KIZ: variants seen among roughly 807,000 people sequenced by gnomAD.
KIZ encodes centrosomal protein kizuna.
A neutral mutation model predicts 79.6 loss-of-function variants in KIZ; 68 were observed. The observed-to-expected ratio is 0.85, with a 90% CI of 0.70 to 1.05. KIZ has a LOEUF of 1.05. KIZ is among the 50% of genes least tolerant of loss of function. The pLI is 0.00. For synonymous variants in KIZ, 280 were observed against 281.8 expected (o/e 0.99, Z 0.06); for missense variants, 797 against 800.4 (o/e 1.00, Z 0.05).
At chr20:21,221,410 C>A (rs1187291473) in intron 9 of KIZ, among the ~76,000 whole-genome samples, 1 of 152,140 alleles carries the variant, frequency 6.6e-6, no homozygotes, top group Non-Finnish European at 1.5e-5. Flanking sequence ...CTCTTTCAGT[C>A]ATGCACTCCA....
At chr20:21,218,976 C>G (rs2036404067) in intron 9 of KIZ, among the ~76,000 whole-genome samples, 1 of 152,130 alleles carries the variant, frequency 6.6e-6, no homozygotes, top group Non-Finnish European at 1.5e-5. Flanking sequence ...AGTGTGGGAT[C>G]CTTCTGTGCG....
At chr20:21,159,213 C>G (rs1394468117) in intron 4 of KIZ, among the ~76,000 whole-genome samples, 5 of 151,918 alleles carry the variant, frequency 3.3e-5, no homozygotes, top group Non-Finnish European at 5.9e-5. Context: ...GAGATGGAGT[C>G]TCACTATGTT....
intron 6 of KIZ, among the ~76,000 whole-genome samples, chr20:21,200,496 C>A (rs1397750483): frequency 2.6e-5 from 4 of 151,796 alleles, no homozygotes; most frequent in Non-Finnish European, 5.9e-5. Context: ...TGTTTTCCTG[C>A]AACTAGATGG....
intron 6 of KIZ, among the ~76,000 whole-genome samples, chr20:21,179,262 C>T (rs80282231): frequency 0.02 from 2,849 of 144,034 alleles, 86 homozygotes; most frequent in African/African-American, 0.068. Flanking sequence ...AGTCTCCTTA[C>T]TAGTTTTAGG....
chr20:21,144,806 A>G (rs1441329508), intron 3 of KIZ, among the ~76,000 whole-genome samples: 3 of 152,192 alleles, frequency 2.0e-5, no homozygotes. Context: ...ATACCTGCCT[A>G]ATTTAGAAAA....
At chr20:21,203,955 T>TC (rs2035698050) in intron 6 of KIZ, among the ~76,000 whole-genome samples, 1 of 151,982 alleles carries the variant, frequency 6.6e-6, no homozygotes, top group African/African-American at 2.4e-5. Context: ...CATTTTCCCT[T>TC]CCCCCCAGGC....
chr20:21,136,497 T>C lies in KIZ; in HGVS notation c.260T>C (p.Val87Ala). ...GAATATTTAAAGCGATTTGAGCGTG[T>C]CCAAGCTCATGTTGTACACTTCACC... ...NQEYLKRFER[V>A]QAHVVHFTTN... Residue 87 changes from valine (V) to alanine (A), a missense_variant, in exon 3 of 13, where the codon GTC (valine) becomes GCC (alanine). Coordinates refer to ENST00000619189, the MANE Select transcript of KIZ (RefSeq NM_018474.6). The C allele has an allele frequency of 6.2e-7, 1 of 1,602,704 alleles. No homozygotes were observed. Among genetic ancestry groups the C allele is most frequent in the Non-Finnish European group, 8.5e-7 (1 of 1,173,382 alleles).
At chr20:21,167,440 C>G (rs190418325) in intron 6 of KIZ, among the ~76,000 whole-genome samples, 7 of 152,248 alleles carry the variant, frequency 4.6e-5, no homozygotes, top group Admixed American at 2.6e-4. Flanking sequence ...AGTGCATTTT[C>G]ACACTCAGGT....
intron 3 of KIZ, among the ~76,000 whole-genome samples, chr20:21,137,510 C>G (rs1404900958): frequency 6.6e-6 from 1 of 150,786 alleles, no homozygotes; most frequent in African/African-American, 2.4e-5. Context: ...TTTTCTTCAG[C>G]CTTTTATTGT....
At chr20:21,182,905 C>G (rs892388315) in intron 6 of KIZ, among the ~76,000 whole-genome samples, 3 of 151,948 alleles carry the variant, frequency 2.0e-5, no homozygotes, top group African/African-American at 7.3e-5. Flanking sequence ...TGCTCAAGAG[C>G]TATACAACAG....
At chr20:21,133,904 G>C (rs1210735002) in intron 2 of KIZ, among the ~76,000 whole-genome samples, 1 of 152,224 alleles carries the variant, frequency 6.6e-6, no homozygotes, top group African/African-American at 2.4e-5. Context: ...CCTGCGAAAG[G>C]AGATGGGGCT....
In KIZ at chr20:21,189,276, T is replaced by C. The variant is rs558039813; in HGVS notation, c.1353-16215T>C. ...ATCTTTACCTGTCCAGTCAGGAGGA[T>C]TTTTTCAACCTGAAAAAAACAGAAC... On this transcript the variant is annotated intron_variant, in intron 6 of 12. Transcript: ENST00000619189. 2.6e-5 allele frequency among the ~76,000 whole-genome samples: 4 copies of C among 152,112 alleles called. No homozygotes were observed. The South Asian group carries it at 8.3e-4, about 32-fold the overall frequency.
At chr20:21,233,868 A>C (rs1404442794) in intron 11 of KIZ, among the ~76,000 whole-genome samples, 1 of 152,202 alleles carries the variant, frequency 6.6e-6, no homozygotes, top group East Asian at 1.9e-4. Flanking sequence ...GAAATAACTC[A>C]TTTAATTTTC....
chr20:21,127,826 C>A (rs543162155), intron 1 of KIZ, among the ~76,000 whole-genome samples: 33 of 152,210 alleles, frequency 2.2e-4, no homozygotes. Flanking sequence ...TGGTTCTTTA[C>A]CAGGAATGAG....
At chr20:21,161,674 T>G (rs976836467) in intron 4 of KIZ, among the ~76,000 whole-genome samples, 197 bp from the exon 5 acceptor site, 4 of 152,194 alleles carry the variant, frequency 2.6e-5, no homozygotes, top group Admixed American at 2.6e-4. Flanking sequence ...TCATTGTTAT[T>G]AAAATTAAAT....
At chr20:21,223,814 C>T (rs2036576865) in intron 9 of KIZ, among the ~76,000 whole-genome samples, 1 of 151,416 alleles carries the variant, frequency 6.6e-6, no homozygotes, top group Non-Finnish European at 1.5e-5. Flanking sequence ...GGATTACAGG[C>T]GCCCGCCACC....
At position 21,136,525 on chromosome 20, in the gene KIZ, A is replaced by G. The variant is rs1274564154; in HGVS notation, c.288A>G (p.Thr96=). 6.4e-7 allele frequency: 1 copy of G among 1,569,824 alleles called. No homozygotes were observed. The change falls in exon 3 of 13, where the codon ACA becomes ACG. Residue 96 remains threonine (T), a synonymous_variant. Coordinates refer to ENST00000619189, the MANE Select transcript of KIZ (RefSeq NM_018474.6). ...RVQAHVVHFT[T]NTEKLQKLKL... ...AAGCTCATGTTGTACACTTCACCAC[A>G]AATACAGAGAAGCTTCAAAAACTGA...
chr20:21,223,482 G>T (rs1250126461), intron 9 of KIZ, among the ~76,000 whole-genome samples: 1 of 152,108 alleles, frequency 6.6e-6, no homozygotes, highest in African/African-American at 2.4e-5. Flanking sequence ...GAATTTGCAG[G>T]CCCAGGTCTA....
At chr20:21,220,817 A>T (rs975248279) in intron 9 of KIZ, among the ~76,000 whole-genome samples, 18 of 152,324 alleles carry the variant, frequency 1.2e-4, no homozygotes, top group African/African-American at 4.3e-4. Context: ...AGACAACTGC[A>T]TCAGGATGTC....
Sources: allele counts gnomAD v4.1 joint callset (sites outside exome capture counted in the v4.1 genomes callset), GRCh38; gene constraint gnomAD v4.1.1; transcripts MANE v1.5; gene names NCBI Gene and HGNC (gene_info 2026-07-23, HGNC 2026-07-21).